SUSD1: variants seen among roughly 807,000 people sequenced by gnomAD.
SUSD1 encodes sushi domain containing 1.
A neutral mutation model predicts 86.9 loss-of-function variants in SUSD1; 65 were observed. That is an observed-to-expected ratio of 0.75 (90% CI 0.61 to 0.92). The LOEUF is 0.92. SUSD1 is among the 40% of genes least tolerant of loss of function. The pLI, the probability that SUSD1 is intolerant of heterozygous loss-of-function variation, is 0.00. For missense variants in SUSD1, 850 were observed against 929.7 expected, an observed-to-expected ratio of 0.91 and a Z score of 1.11; for synonymous variants, 346 against 350.0, an observed-to-expected ratio of 0.99 and a Z score of 0.13.
intron 8 of SUSD1, chr9:112,103,258 A>C: frequency 2.9e-6 from 1 of 348,440 alleles, no homozygotes; most frequent in South Asian, 2.3e-5. Context: ...CAAGGCAGCC[A>C]GCTGGGGAAA....
chr9:112,086,843 A>AAAC (rs141056274), intron 10 of SUSD1, among the ~76,000 whole-genome samples: 8,291 of 151,116 alleles, frequency 0.055, 768 homozygotes, highest in African/African-American at 0.19. Flanking sequence ...ACAAACAAAC[A>AAAC]AAAAAAACCT....
intron 5 of SUSD1, among the ~76,000 whole-genome samples, chr9:112,137,240 AC>A (rs913976387): frequency 3.3e-5 from 5 of 152,140 alleles, no homozygotes; most frequent in African/African-American, 9.7e-5. Flanking sequence ...GCAGTGAGAA[AC>A]CGAGGCCATG....
At chr9:112,043,086 T>C (rs1564238629) in intron 15 of SUSD1, among the ~76,000 whole-genome samples, 1 of 152,204 alleles carries the variant, frequency 6.6e-6, no homozygotes, top group East Asian at 1.9e-4. Flanking sequence ...AGTTTAACTT[T>C]GAAACAAAGA....
rs1827706812 is a variant in SUSD1 at position 112,040,872 on chromosome 9, G to C, written c.*620C>G. The stretch of plus-strand genomic sequence containing the variant: ...TGCATCAAAGCAATGCTGCCTAACA[G>C]ACACAGCAGGAAACTTATTGGCATG... On this transcript the variant is annotated 3_prime_UTR_variant, in exon 17 of 17. Transcript: ENST00000374270. 2 of 152,892 alleles carry C rather than the reference G, an allele frequency of 1.3e-5. No individual in the cohort carries two copies. Among genetic ancestry groups the C allele is most frequent in the Admixed American group, 6.5e-5 (1 of 15,370 alleles). 9.5% of individuals were successfully genotyped at this position (152,892 alleles called of 1,614,324 possible). A position where few individuals can be genotyped will look rare whatever the true frequency, so the allele number is the denominator to read the frequency against.
intron 1 of SUSD1, among the ~76,000 whole-genome samples, chr9:112,172,433 G>A (rs1048725633): frequency 4.6e-5 from 7 of 151,986 alleles, no homozygotes; most frequent in Admixed American, 2.6e-4. Context: ...CTTCCTTCTC[G>A]ACTTGCATCT....
chr9:112,060,027 T>C (rs1389567617), intron 13 of SUSD1, among the ~76,000 whole-genome samples: 1 of 150,044 alleles, frequency 6.7e-6, no homozygotes, highest in Non-Finnish European at 1.5e-5. Flanking sequence ...TACATCAGCG[T>C]GAAATATAAT....
chr9:112,166,723 C>T (rs887762981), intron 1 of SUSD1, among the ~76,000 whole-genome samples: 3 of 152,078 alleles, frequency 2.0e-5, no homozygotes, highest in East Asian at 1.9e-4. Context: ...TTGGTACCCA[C>T]GTCAAGGATG....
At chr9:112,124,018 C>T (rs948306049) in intron 6 of SUSD1, among the ~76,000 whole-genome samples, 1 of 151,910 alleles carries the variant, frequency 6.6e-6, no homozygotes, top group African/African-American at 2.4e-5. Context: ...GGAATCACAG[C>T]GATTTAAGGT....
chr9:112,053,271 T>A (rs1381999862), intron 14 of SUSD1, among the ~76,000 whole-genome samples: 1 of 151,854 alleles, frequency 6.6e-6, no homozygotes, highest in Non-Finnish European at 1.5e-5. Context: ...TCCCAGCACT[T>A]TGGGAGGCTG....
At chr9:112,098,721 A>G in intron 9 of SUSD1, 59 bp from the exon 10 acceptor site, 1 of 1,507,900 alleles carries the variant, frequency 6.6e-7, no homozygotes, top group East Asian at 2.3e-5. Flanking sequence ...ACAGGTGCCT[A>G]GACTATTAGC....
intron 10 of SUSD1, among the ~76,000 whole-genome samples, chr9:112,090,989 T>C (rs1243645679): frequency 6.6e-6 from 1 of 152,000 alleles, no homozygotes; most frequent in Non-Finnish European, 1.5e-5. Context: ...AAGCAACTTA[T>C]TCATCTTTAT....
At chr9:112,080,304 A>C (rs753923208) in intron 10 of SUSD1, 139 bp from the exon 11 acceptor site, 34 of 597,684 alleles carry the variant, frequency 5.7e-5, no homozygotes, top group Non-Finnish European at 1.0e-4. Flanking sequence ...TAGCAGTCTC[A>C]AAGTAATACC....
intron 9 of SUSD1, among the ~76,000 whole-genome samples, chr9:112,101,784 T>C (rs1457948049): frequency 6.6e-6 from 1 of 152,124 alleles, no homozygotes; most frequent in East Asian, 1.9e-4. Context: ...AGGCAGAGAT[T>C]GCAGTGAGCC....
intron 15 of SUSD1, among the ~76,000 whole-genome samples, chr9:112,043,869 C>T (rs1008902969): frequency 2.0e-5 from 3 of 152,052 alleles, no homozygotes; most frequent in African/African-American, 7.2e-5. Context: ...GGCATGATCT[C>T]GGCTCACTGC....
chr9:112,098,541 G>C lies in SUSD1; in HGVS notation c.1403C>G (p.Thr468Arg). ...AGATCTCAGCAGGGTCACATTCACC[G>C]TATAATCAGTCGTAGGGTACAGATC... ...CLDLYPTTDY[T>R]VNVTLLRSPK... Residue 468 changes from threonine to arginine, a missense_variant, in exon 10 of 17, where the codon ACG becomes AGG. Transcript: ENST00000374270. 1 of 1,614,158 alleles carries C rather than the reference G, an allele frequency of 6.2e-7. No individual in the cohort carries two copies. Among genetic ancestry groups the C allele is most frequent in the South Asian group, 1.1e-5 (1 of 91,086 alleles).
At chr9:112,166,899 C>T (rs1001366085) in intron 1 of SUSD1, among the ~76,000 whole-genome samples, 1 of 152,084 alleles carries the variant, frequency 6.6e-6, no homozygotes, top group Non-Finnish European at 1.5e-5. Flanking sequence ...GGAGAGAAAA[C>T]CTGACAAGTG....
At chr9:112,135,172 G>A (rs183743418) in intron 5 of SUSD1, among the ~76,000 whole-genome samples, 166 of 152,268 alleles carry the variant, frequency 1.1e-3, no homozygotes, top group South Asian at 7.1e-3. Flanking sequence ...CCGCTCTAAT[G>A]AGCTCATTAG....
intron 13 of SUSD1, among the ~76,000 whole-genome samples, chr9:112,059,469 G>C (rs1564253797): frequency 6.6e-6 from 1 of 152,166 alleles, no homozygotes; most frequent in South Asian, 2.1e-4. Flanking sequence ...ACAGTCATGC[G>C]GTGACCTGAA....
chr9:112,137,707 T>C, intron 5 of SUSD1: 1 of 152,174 alleles, frequency 6.6e-6, no homozygotes, highest in South Asian at 2.1e-4. Flanking sequence ...GTTTCTTAAT[T>C]ATGCAATAAA....
Sources: allele counts gnomAD v4.1 joint callset (sites outside exome capture counted in the v4.1 genomes callset), GRCh38; gene constraint gnomAD v4.1.1; transcripts MANE v1.5; gene names NCBI Gene and HGNC (gene_info 2026-07-23, HGNC 2026-07-21).